The following SEMA3D variants were observed in gnomAD, a reference collection of about 807,000 sequenced individuals.
SEMA3D encodes semaphorin-3D.
Under a neutral mutation model 100.1 loss-of-function variants are expected in SEMA3D, and 84 were observed. The ratio of observed to expected loss-of-function variants is 0.84; its 90% confidence interval spans 0.70 to 1.01. The LOEUF is 1.01. SEMA3D is among the 50% of genes least tolerant of loss of function. The probability of loss-of-function intolerance (pLI) is 0.00; values close to 1 mark genes in which losing one functional copy is unlikely to be tolerated. For missense variants in SEMA3D, 875 were observed against 934.1 expected (o/e 0.94, Z 0.82); for synonymous variants, 312 against 320.7 (o/e 0.97, Z 0.29).
At chr7:85,097,647 G>A (rs997395386) in intron 4 of SEMA3D, among the ~76,000 whole-genome samples, 158 bp downstream of exon 4, 1 of 151,966 alleles carries the variant, frequency 6.6e-6, no homozygotes. Flanking sequence ...AATCCAGAAT[G>A]TGTATCAGAG....
intron 9 of SEMA3D, among the ~76,000 whole-genome samples, chr7:85,051,035 A>G: frequency 6.6e-6 from 1 of 151,868 alleles, no homozygotes; most frequent in East Asian, 1.9e-4. Context: ...TTACATGTCA[A>G]TCTCTTATAG....
chr7:85,159,230 A>T (rs148679579), intron 1 of SEMA3D, among the ~76,000 whole-genome samples: 169 of 152,292 alleles, frequency 1.1e-3, no homozygotes, highest in African/African-American at 3.9e-3. Context: ...GTTAAATTGC[A>T]GTTTCCAGGC....
In SEMA3D at chr7:85,034,171, G is replaced by T. The variant is rs544073887; in HGVS notation, c.1191+2718C>A. On this transcript the variant is annotated intron_variant, in intron 12 of 18. Transcript: ENST00000284136. Reference sequence around the variant, plus strand: ...CATGTGTTTCATGGGATTATGATCAGTATTAAGTAAGTTAATGTTTGTAAA... The same window carrying T: ...CATGTGTTTCATGGGATTATGATCATTATTAAGTAAGTTAATGTTTGTAAA... Among the ~76,000 whole-genome samples, 38 of 152,150 alleles carry T rather than the reference G, an allele frequency of 2.5e-4. No individual in the cohort carries two copies. The South Asian group carries it at 7.7e-3, about 31-fold the overall frequency.
chr7:85,117,888 T>C (rs1456139830), intron 3 of SEMA3D, among the ~76,000 whole-genome samples: 1 of 150,814 alleles, frequency 6.6e-6, no homozygotes, highest in East Asian at 1.9e-4. Context: ...TATCTTTTTG[T>C]AGATATATAT....
chr7:85,007,727 A>C (rs1268152513), intron 17 of SEMA3D, among the ~76,000 whole-genome samples: 1 of 151,752 alleles, frequency 6.6e-6, no homozygotes, highest in Non-Finnish European at 1.5e-5. Flanking sequence ...AAAAAATGAC[A>C]GCTGCTCAGC....
rs760340691 is a variant in SEMA3D at position 85,040,735 on chromosome 7, A to C, written c.984T>G (p.Ile328Met). The C allele has an allele frequency of 7.4e-7, 1 of 1,350,844 alleles. No individual in the cohort carries two copies. The highest frequency in any genetic ancestry group is 2.3e-5 in the East Asian group (1 of 43,452). 83.7% of individuals were successfully genotyped at this position (1,350,844 alleles called of 1,614,324 possible). ...TTTCATCTCTTGTGGGGAGTAAATAAATATCTTCTATTAAAGGGGAAAAAT... is the reference window on the plus strand; with the variant it reads ...TTTCATCTCTTGTGGGGAGTAAATACATATCTTCTATTAAAGGGGAAAAAT... Reference protein sequence around the residue: ...ADTYFDELQDIYLLPTRDERN... With the variant: ...ADTYFDELQDMYLLPTRDERN... Residue 328 changes from isoleucine to methionine, a missense_variant, in exon 11 of 19, where the codon ATT becomes ATG. Physicochemically the swap from Ile to Met is conservative, Grantham distance 10. Coordinates refer to ENST00000284136, the MANE Select transcript of SEMA3D (RefSeq NM_001384900.1).
intron 4 of SEMA3D, among the ~76,000 whole-genome samples, chr7:85,088,139 T>C (rs1049735705): frequency 6.6e-6 from 1 of 152,228 alleles, no homozygotes; most frequent in African/African-American, 2.4e-5. Context: ...CATAAAATAT[T>C]GCAGTATCCC....
At chr7:85,073,831 CT>C (rs535397174) in intron 5 of SEMA3D, among the ~76,000 whole-genome samples, 13 of 152,042 alleles carry the variant, frequency 8.6e-5, no homozygotes, top group Non-Finnish European at 1.6e-4. Context: ...TTCTCATGGA[CT>C]TTTTTTACAC....
At chr7:85,151,436 T>TAA (rs899962095) in intron 2 of SEMA3D, among the ~76,000 whole-genome samples, 6 of 152,034 alleles carry the variant, frequency 3.9e-5, no homozygotes, top group African/African-American at 1.4e-4. Context: ...GTGATACTCT[T>TAA]AAAAAACAGT....
chr7:85,216,734 AAT>A, the SEMA3D span, among the ~76,000 whole-genome samples: 6 of 152,016 alleles, frequency 3.9e-5, no homozygotes, highest in Non-Finnish European at 5.9e-5. Context: ...TAATTAATAA[AAT>A]ATGTTATTTT....
chr7:85,050,933 T>G (rs1048087442), intron 9 of SEMA3D, among the ~76,000 whole-genome samples: 2 of 151,872 alleles, frequency 1.3e-5, no homozygotes, highest in African/African-American at 2.4e-5. Flanking sequence ...CAAATGTATG[T>G]GTGATGTGTG....
intron 1 of SEMA3D, among the ~76,000 whole-genome samples, chr7:85,175,651 G>C (rs1791204204): frequency 6.6e-6 from 1 of 152,044 alleles, no homozygotes; most frequent in Admixed American, 6.5e-5. Flanking sequence ...TTCTTAATTT[G>C]TATTAACTTC....
chr7:85,073,450 A>G (rs998983524), intron 5 of SEMA3D, among the ~76,000 whole-genome samples: 1 of 151,578 alleles, frequency 6.6e-6, no homozygotes, highest in Admixed American at 6.6e-5. Flanking sequence ...ACACCTCTCT[A>G]TGTTGTCCAG....
chr7:85,145,819 C>A (rs1017236574), intron 2 of SEMA3D, among the ~76,000 whole-genome samples: 1 of 152,102 alleles, frequency 6.6e-6, no homozygotes, highest in Non-Finnish European at 1.5e-5. Context: ...ACTCAAGTCT[C>A]CTATATAATG....
At position 85,041,460 on chromosome 7, in the gene SEMA3D, A is replaced by G. The variant is rs573691990; in HGVS notation, c.976+711T>C. On this transcript the variant is annotated intron_variant, in intron 10 of 18. Coordinates refer to ENST00000284136, the MANE Select transcript of SEMA3D (RefSeq NM_001384900.1). ...AAATAATATTCTTTAAAAGATTAAG[A>G]TGTGAATGTGCTTACATACAATAGG... 7 of 152,016 alleles carry G rather than the reference A, an allele frequency of 4.6e-5. No homozygotes were observed. The South Asian group carries it at 1.2e-3, about 27-fold the overall frequency. 9.4% of individuals were successfully genotyped at this position (152,016 alleles called of 1,614,324 possible).
chr7:85,092,686 A>G (rs1562814737), intron 4 of SEMA3D, among the ~76,000 whole-genome samples: 1 of 152,036 alleles, frequency 6.6e-6, no homozygotes, highest in African/African-American at 2.4e-5. Context: ...ATAGAATAAC[A>G]TATTATGTAA....
intron 3 of SEMA3D, among the ~76,000 whole-genome samples, chr7:85,106,197 G>A (rs943408525): frequency 5.9e-5 from 9 of 152,082 alleles, no homozygotes; most frequent in South Asian, 4.1e-4. Flanking sequence ...TTCTGAGCAC[G>A]ATTGATACTA....
At position 85,122,142 on chromosome 7, in the gene SEMA3D, A is replaced by G. The variant is rs541553370; in HGVS notation, c.-40-211T>C. Among the ~76,000 whole-genome samples the G allele has an allele frequency of 1.8e-4, 28 of 151,796 alleles. No individual in the cohort carries two copies. The East Asian group carries it at 5.5e-3, about 30-fold the overall frequency. On this transcript the variant is annotated intron_variant, in intron 2 of 18. Transcript: ENST00000284136. ...AGGAGAAATACCTAATGTAGATGAC[A>G]GGTTGATGGGTGCAGCAAACCACCA...
chr7:85,140,864 G>T, intron 2 of SEMA3D: 1 of 795,998 alleles, frequency 1.3e-6, no homozygotes, highest in Non-Finnish European at 1.5e-6. Context: ...AAAATGGTAG[G>T]TATACAAAAA....
Sources: gnomAD v4.1 joint callset for allele counts (sites outside exome capture counted in the v4.1 genomes callset) on GRCh38, gnomAD v4.1.1 for gene constraint, MANE v1.5 for transcripts, NCBI Gene and HGNC (gene_info 2026-07-23, HGNC 2026-07-21) for gene names.